SH3GL3: variants seen among roughly 807,000 people sequenced by gnomAD.
SH3GL3 encodes SH3 domain containing GRB2 like 3, endophilin A3, also known as endophilin-A3.
Under a neutral mutation model 47.7 loss-of-function variants are expected in SH3GL3, and 33 were observed. The observed-to-expected ratio is 0.69, with a 90% confidence interval of 0.52 to 0.92. The LOEUF is 0.92. Among genes scored for constraint, SH3GL3 ranks in the 40% least tolerant of loss-of-function variants. The pLI is 0.00. For missense variants in SH3GL3, 363 were observed against 417.8 expected, an observed-to-expected ratio of 0.87 and a Z score of 1.14; for synonymous variants, 155 against 148.8, an observed-to-expected ratio of 1.04 and a Z score of -0.30.
chr15:83,551,615 T>C lies in SH3GL3; in HGVS notation c.46-7638T>C, dbSNP rs556076734. On this transcript the variant is annotated intron_variant, in intron 1 of 8. Coordinates refer to ENST00000427482, the MANE Select transcript of SH3GL3 (RefSeq NM_003027.5). ...CCCACTTGACTAATCTTTCTGAAAC[T>C]CAGATCTGTTCTTATCACTCACCTT... Among the ~76,000 whole-genome samples, 4 of 152,300 alleles carry C rather than the reference T, an allele frequency of 2.6e-5. No homozygotes were observed. The South Asian group carries it at 6.2e-4, about 24-fold the overall frequency.
chr15:83,508,685 C>T (rs2042617881), intron 1 of SH3GL3, among the ~76,000 whole-genome samples: 2 of 151,684 alleles, frequency 1.3e-5, no homozygotes, highest in African/African-American at 4.8e-5. Flanking sequence ...TCAAGCGATT[C>T]TCGTGCCTCA....
At chr15:83,586,373 C>T (rs909692745) in intron 6 of SH3GL3, among the ~76,000 whole-genome samples, 4 of 152,086 alleles carry the variant, frequency 2.6e-5, no homozygotes, top group African/African-American at 4.8e-5. Flanking sequence ...TTGTGGGAAA[C>T]AGAGATGCCA....
Position 83,447,919 on chromosome 15 carries a change from C to T in SH3GL3, c.45+341C>T, listed in dbSNP as rs1288788078. On this transcript the variant is annotated intron_variant, in intron 1 of 8. Coordinates refer to ENST00000427482, the MANE Select transcript of SH3GL3 (RefSeq NM_003027.5). The surrounding 1 kb of genome is among the most constrained non-coding windows in gnomAD (Gnocchi z 5.1). ...CCTACCCGCGCGAGGGGAGGACGAC[C>T]ACAGGGAGTACGATGCCGGCAGGGC... Among the ~76,000 whole-genome samples the T allele has an allele frequency of 6.6e-6, 1 of 152,166 alleles. No homozygotes were observed. Among genetic ancestry groups the T allele is most frequent in the Non-Finnish European group, 1.5e-5 (1 of 68,004 alleles).
intron 1 of SH3GL3, among the ~76,000 whole-genome samples, chr15:83,533,602 A>G (rs2043776426): frequency 6.6e-6 from 1 of 152,132 alleles, no homozygotes; most frequent in Non-Finnish European, 1.5e-5. Flanking sequence ...TTGAATGCTG[A>G]CTTGATGTTA....
chr15:83,615,595 A>C (rs2060791508), intron 8 of SH3GL3, among the ~76,000 whole-genome samples: 1 of 152,218 alleles, frequency 6.6e-6, no homozygotes, highest in Non-Finnish European at 1.5e-5. Flanking sequence ...TACAGGTGTG[A>C]GCCACCACAC....
intron 6 of SH3GL3, among the ~76,000 whole-genome samples, chr15:83,577,964 G>T (rs1234619054): frequency 6.6e-6 from 1 of 152,182 alleles, no homozygotes; most frequent in Non-Finnish European, 1.5e-5. Flanking sequence ...GCCTTTACCT[G>T]TCATAGCCCA....
At position 83,577,503 on chromosome 15, in the gene SH3GL3, C is replaced by T. The variant is rs544806024; in HGVS notation, c.624+762C>T. On this transcript the variant is annotated intron_variant, in intron 6 of 8. Coordinates refer to ENST00000427482, the MANE Select transcript of SH3GL3 (RefSeq NM_003027.5). Reference sequence around the variant, plus strand: ...GCAGCCTCGACCTCCCAGGCTCAAGCGATCTTCCCACCTCAGCCTCCTGGA... The same window carrying T: ...GCAGCCTCGACCTCCCAGGCTCAAGTGATCTTCCCACCTCAGCCTCCTGGA... 4.6e-5 allele frequency among the ~76,000 whole-genome samples: 7 copies of T among 152,240 alleles called. No individual in the cohort carries two copies. The East Asian group carries it at 7.7e-4, about 17-fold the overall frequency.
intron 1 of SH3GL3, among the ~76,000 whole-genome samples, chr15:83,463,612 TTGA>T (rs1308560114): frequency 6.6e-6 from 1 of 152,114 alleles, no homozygotes; most frequent in Admixed American, 6.6e-5. Flanking sequence ...CTTTTTTAGC[TTGA>T]TGCCATCAGC....
rs558920670 is a variant in SH3GL3 at position 83,531,685 on chromosome 15, T to C, written c.46-27568T>C. Among the ~76,000 whole-genome samples the C allele has an allele frequency of 6.4e-4, 97 of 152,192 alleles. 1 individual carries two copies. The Middle Eastern group carries it at 0.01, about 16-fold the overall frequency. Reference sequence around the variant, plus strand: ...TTGGCAGTTGTATGGAGGAAGAATTTGAGGAGTCAGTTAGGAGGCTGTTAG... The same window carrying C: ...TTGGCAGTTGTATGGAGGAAGAATTCGAGGAGTCAGTTAGGAGGCTGTTAG... On this transcript the variant is annotated intron_variant, in intron 1 of 8. Transcript: ENST00000427482.
chr15:83,528,305 G>T (rs1315691288), intron 1 of SH3GL3, among the ~76,000 whole-genome samples: 1 of 152,148 alleles, frequency 6.6e-6, no homozygotes, highest in African/African-American at 2.4e-5. Context: ...TCTATTTGGG[G>T]ATCTCTGAGA....
chr15:83,482,905 A>G (rs1176731886), intron 1 of SH3GL3, among the ~76,000 whole-genome samples: 1 of 152,214 alleles, frequency 6.6e-6, no homozygotes, highest in Non-Finnish European at 1.5e-5. Flanking sequence ...TAATGTGAAC[A>G]GTTCCGTTCT....
At chr15:83,575,522 T>C (rs896075707) in intron 5 of SH3GL3, among the ~76,000 whole-genome samples, 1 of 152,232 alleles carries the variant, frequency 6.6e-6, no homozygotes, top group African/African-American at 2.4e-5. Flanking sequence ...AAGCCTTTCA[T>C]AGTCTCAGCT....
chr15:83,537,174 C>T (rs528177242), intron 1 of SH3GL3, among the ~76,000 whole-genome samples: 1 of 152,224 alleles, frequency 6.6e-6, no homozygotes, highest in South Asian at 2.1e-4. Flanking sequence ...GGGCTTTGCT[C>T]TTGGGCAGGG....
chr15:83,492,042 T>C (rs1416192413), intron 1 of SH3GL3, among the ~76,000 whole-genome samples: 1 of 152,150 alleles, frequency 6.6e-6, no homozygotes, highest in East Asian at 1.9e-4. Context: ...CCCAGCACTT[T>C]GGGAGGCCTA....
intron 1 of SH3GL3, among the ~76,000 whole-genome samples, chr15:83,537,650 T>C (rs1351776211): frequency 6.6e-6 from 1 of 152,182 alleles, no homozygotes; most frequent in Non-Finnish European, 1.5e-5. Flanking sequence ...CCCTGATGAT[T>C]CCCCAGGCTC....
intron 6 of SH3GL3, among the ~76,000 whole-genome samples, chr15:83,583,824 A>G (rs2059893794): frequency 6.6e-6 from 1 of 152,078 alleles, no homozygotes. Flanking sequence ...AGCCAAACCA[A>G]CAATGAAGTC....
intron 8 of SH3GL3, among the ~76,000 whole-genome samples, chr15:83,604,110 C>A (rs2060457359): frequency 6.6e-6 from 1 of 151,980 alleles, no homozygotes; most frequent in African/African-American, 2.4e-5. Context: ...CGCACCATTG[C>A]ACTCCAGGCT....
At chr15:83,476,822 G>A (rs897963064) in intron 1 of SH3GL3, among the ~76,000 whole-genome samples, 1 of 152,206 alleles carries the variant, frequency 6.6e-6, no homozygotes, top group East Asian at 1.9e-4. Flanking sequence ...TTTGCCAACA[G>A]TTTTTCTGGA....
chr15:83,547,970 T>G (rs2044486170), intron 1 of SH3GL3, among the ~76,000 whole-genome samples: 1 of 151,940 alleles, frequency 6.6e-6, no homozygotes, highest in Non-Finnish European at 1.5e-5. Flanking sequence ...CTTTAAAGAA[T>G]TATTCCATTT....
Sources: allele counts gnomAD v4.1 joint callset (sites outside exome capture counted in the v4.1 genomes callset), GRCh38; gene constraint gnomAD v4.1.1; non-coding constraint Gnocchi (gnomAD v3.1); transcripts MANE v1.5; gene names NCBI Gene and HGNC (gene_info 2026-07-23, HGNC 2026-07-21).